The following CATSPERE variants were observed in gnomAD, a reference collection of about 807,000 sequenced individuals.
CATSPERE encodes the protein catsper channel auxiliary subunit epsilon, also known as cation channel sperm-associated auxiliary subunit epsilon.
Under a neutral mutation model 114.1 loss-of-function variants are expected in CATSPERE, and 93 were observed. The observed-to-expected ratio is 0.81, with a 90% CI of 0.69 to 0.97. The LOEUF (loss-of-function observed/expected upper bound fraction) is 0.97. Among genes scored for constraint, CATSPERE ranks in the 50% least tolerant of loss-of-function variants. The pLI, the probability that CATSPERE is intolerant of heterozygous loss-of-function variation, is 0.00. For synonymous variants in CATSPERE, 341 were observed against 384.1 expected, an observed-to-expected ratio of 0.89 and a Z score of 1.31; for missense variants, 1,058 against 1,131.6, an observed-to-expected ratio of 0.93 and a Z score of 0.93.
At chr1:244,455,757 G>A (rs1302924063) in intron 1 of CATSPERE, among the ~76,000 whole-genome samples, 1 of 151,738 alleles carries the variant, frequency 6.6e-6, no homozygotes, top group Non-Finnish European at 1.5e-5. Flanking sequence ...GGTAGCCTGG[G>A]ACTCCTTGGG....
intron 13 of CATSPERE, among the ~76,000 whole-genome samples, chr1:244,587,080 T>C (rs1408420134): frequency 6.6e-6 from 1 of 152,212 alleles, no homozygotes; most frequent in Non-Finnish European, 1.5e-5. Flanking sequence ...ACAAGCAGGG[T>C]AAGATATTTT....
At chr1:244,508,024 A>G (rs190492910) in intron 7 of CATSPERE, among the ~76,000 whole-genome samples, 40 of 152,088 alleles carry the variant, frequency 2.6e-4, no homozygotes, top group African/African-American at 9.2e-4. Flanking sequence ...TGATATTTTG[A>G]TAGAGATTGC....
At chr1:244,610,466 C>T (rs185582542) in intron 19 of CATSPERE, 140 bp downstream of exon 19, 2 of 719,160 alleles carry the variant, frequency 2.8e-6, no homozygotes, top group African/African-American at 3.5e-5. Context: ...TAAATTGTAT[C>T]ATGGTATTTT....
chr1:244,560,350 G>C (rs10927259), intron 9 of CATSPERE, among the ~76,000 whole-genome samples: 29,443 of 143,224 alleles, frequency 0.21, 4,337 homozygotes, highest in East Asian at 0.44. Context: ...GGTAGCTAAG[G>C]TATGAGGACA....
chr1:244,490,044 A>G (rs962383434), intron 5 of CATSPERE, among the ~76,000 whole-genome samples: 1 of 152,210 alleles, frequency 6.6e-6, no homozygotes, highest in Non-Finnish European at 1.5e-5. Flanking sequence ...GTGAGGATGA[A>G]CAGGAGAGGG....
chr1:244,631,911 C>G (rs1192884472), intron 20 of CATSPERE, among the ~76,000 whole-genome samples: 3 of 152,106 alleles, frequency 2.0e-5, no homozygotes, highest in African/African-American at 4.8e-5. Context: ...CAAAACTAAA[C>G]ATACTCTTAC....
At chr1:244,578,068 A>T (rs886229101) in intron 11 of CATSPERE, among the ~76,000 whole-genome samples, 3 of 152,200 alleles carry the variant, frequency 2.0e-5, no homozygotes, top group African/African-American at 4.8e-5. Flanking sequence ...TATAGTATAC[A>T]GTTGATTCTT....
rs35307647 is a variant in CATSPERE, at chr1:244,633,865, A to AT, written c.2649-1607dup. On this transcript the variant is annotated intron_variant, in intron 20 of 21. Coordinates refer to ENST00000366534, the MANE Select transcript of CATSPERE (RefSeq NM_001130957.2). The surrounding 1 kb of genome is among the most constrained non-coding windows in gnomAD (Gnocchi z 4.1). ...CCTGTGACAGGTGTCTACATCACTC[A>AT]TTTTTTTTTTTTTTTTTGAGACGGA... Among the ~76,000 whole-genome samples the AT allele has an allele frequency of 0.082, 11,018 of 133,638 alleles. 525 individuals carry two copies. The highest frequency in any genetic ancestry group is 0.12 in the African/African-American group (4,371 of 36,262). The allele number at this position is 133,638 out of a possible 152,430, so 87.7% of individuals were successfully genotyped here.
chr1:244,513,302 A>G (rs1186421956), intron 7 of CATSPERE, among the ~76,000 whole-genome samples: 1 of 152,126 alleles, frequency 6.6e-6, no homozygotes, highest in Non-Finnish European at 1.5e-5. Flanking sequence ...TGGGCAGGCC[A>G]GTCCCAAGGT....
chr1:244,479,576 T>C (rs1342949758), intron 4 of CATSPERE, 141 bp from the exon 5 acceptor site: 1 of 365,756 alleles, frequency 2.7e-6, no homozygotes, highest in Non-Finnish European at 4.9e-6. Context: ...AAATATATAT[T>C]TAAATTCTAT....
At chr1:244,558,310 T>A (rs1197372709) in intron 9 of CATSPERE, among the ~76,000 whole-genome samples, 1 of 151,976 alleles carries the variant, frequency 6.6e-6, no homozygotes, top group African/African-American at 2.4e-5. Flanking sequence ...GCCCAGCTAA[T>A]GGCTAATTTT....
chr1:244,523,587 C>A (rs1373739373), intron 8 of CATSPERE, among the ~76,000 whole-genome samples: 1 of 140,588 alleles, frequency 7.1e-6, no homozygotes, highest in Non-Finnish European at 1.5e-5. Flanking sequence ...TCTAGAAAAC[C>A]CCATCGTCTC....
intron 20 of CATSPERE, among the ~76,000 whole-genome samples, chr1:244,618,914 G>T (rs1303433571): frequency 6.6e-6 from 1 of 152,210 alleles, no homozygotes; most frequent in Non-Finnish European, 1.5e-5. Context: ...GTCTAATGAT[G>T]AGAGATTCTA....
rs1305294440 is a variant in CATSPERE at position 244,504,681 on chromosome 1, C to T, written c.429+5602C>T. 1.3e-5 allele frequency among the ~76,000 whole-genome samples: 2 copies of T among 152,310 alleles called. No individual in the cohort carries two copies. Among genetic ancestry groups the T allele is most frequent in the East Asian group, 1.9e-4 (1 of 5,182 alleles). On this transcript the variant is annotated intron_variant, in intron 7 of 21. Coordinates refer to ENST00000366534, the MANE Select transcript of CATSPERE (RefSeq NM_001130957.2). The surrounding 1 kb of genome is among the most constrained non-coding windows in gnomAD (Gnocchi z 4.1). ...ATTGGGATTCATCTGAGATTTTTCTCATAATCAGATTGGAGTTAGGTGTTT... is the reference window on the plus strand; with the variant it reads ...ATTGGGATTCATCTGAGATTTTTCTTATAATCAGATTGGAGTTAGGTGTTT...
At chr1:244,469,647 A>T (rs1277081695) in intron 2 of CATSPERE, among the ~76,000 whole-genome samples, 1 of 152,230 alleles carries the variant, frequency 6.6e-6, no homozygotes, top group Non-Finnish European at 1.5e-5. Context: ...TCTAACAAAA[A>T]ACTATTAGAA....
intron 20 of CATSPERE, among the ~76,000 whole-genome samples, chr1:244,620,114 T>C (rs1381390778): frequency 1.3e-5 from 2 of 152,210 alleles, no homozygotes; most frequent in Non-Finnish European, 2.9e-5. Flanking sequence ...TTATTGTATG[T>C]GGCCGAAATT....
At chr1:244,580,599 G>A (rs1028280256) in intron 11 of CATSPERE, among the ~76,000 whole-genome samples, 3 of 152,000 alleles carry the variant, frequency 2.0e-5, no homozygotes, top group Non-Finnish European at 4.4e-5. Flanking sequence ...CACCATTCAC[G>A]TCAAAAAAAT....
At position 244,572,611 on chromosome 1, in the gene CATSPERE, T is replaced by C. The variant is rs747917082; in HGVS notation, c.1789T>C (p.Tyr597His). The C allele has an allele frequency of 5.1e-5, 82 of 1,614,062 alleles. 1 individual carries two copies. In the Middle Eastern group the frequency reaches 2.3e-3, roughly 45 times the overall value. ...TCATAACAATGTTGCTCATGTTTTT[T>C]ACTTTTTGGACAAGGGAGAGGCTCT... Reference protein sequence around the residue: ...AFHNNVAHVFYFLDKGEALTV... With the variant: ...AFHNNVAHVFHFLDKGEALTV... The change falls in exon 11 of 22, where the codon TAC becomes CAC. Residue 597 changes from tyrosine (Y) to histidine (H), a missense_variant. This residue lies in a region of CATSPERE where 787 missense variants were observed against 905.6 expected (regional missense o/e 0.87). Transcript: ENST00000366534.
intron 8 of CATSPERE, among the ~76,000 whole-genome samples, chr1:244,546,868 A>C (rs1659834943): frequency 6.6e-6 from 1 of 152,192 alleles, no homozygotes; most frequent in East Asian, 1.9e-4. Context: ...TGCTTACGTC[A>C]TTGGGGTTTA....
Sources: allele counts gnomAD v4.1 joint callset (sites outside exome capture counted in the v4.1 genomes callset), GRCh38; gene constraint gnomAD v4.1.1; regional missense constraint gnomAD v4.1.1; non-coding constraint Gnocchi (gnomAD v3.1); transcripts MANE v1.5; gene names NCBI Gene and HGNC (gene_info 2026-07-23, HGNC 2026-07-21).